Variants in POU6F2 observed in about 807,000 individuals in gnomAD.
POU6F2 encodes the protein POU domain, class 6, transcription factor 2.
Under a neutral mutation model 71.3 loss-of-function variants are expected in POU6F2, and 31 were observed. The ratio of observed to expected loss-of-function variants is 0.43; its 90% CI spans 0.33 to 0.59. The LOEUF is 0.59. Among genes scored for constraint, POU6F2 ranks in the 20% least tolerant of loss-of-function variants. The pLI is 0.04. For missense variants in POU6F2, 783 were observed against 856.8 expected (o/e 0.91, Z 1.07); for synonymous variants, 347 against 355.7 (o/e 0.98, Z 0.27).
chr7:39,018,392 C>T (rs566405871), intron 1 of POU6F2, among the ~76,000 whole-genome samples: 15 of 152,138 alleles, frequency 9.9e-5, no homozygotes, highest in Admixed American at 4.6e-4. Context: ...TTGGTTGTGC[C>T]GGAAGCCATG....
intron 2 of POU6F2, among the ~76,000 whole-genome samples, chr7:39,169,647 T>C (rs1793180668): frequency 6.6e-6 from 1 of 152,182 alleles, no homozygotes; most frequent in Non-Finnish European, 1.5e-5. Context: ...TGTCAGATTG[T>C]GATTAAATAC....
At chr7:38,978,537 A>G (rs1232731408) in intron 1 of POU6F2, among the ~76,000 whole-genome samples, 1 of 152,120 alleles carries the variant, frequency 6.6e-6, no homozygotes, top group African/African-American at 2.4e-5. Flanking sequence ...ATATAAATAC[A>G]TGTGCCTTGA....
At chr7:39,450,650 A>G (rs539079442) in intron 7 of POU6F2, among the ~76,000 whole-genome samples, 1 of 152,246 alleles carries the variant, frequency 6.6e-6, no homozygotes, top group South Asian at 2.1e-4. Flanking sequence ...AGCCTTCCTT[A>G]ACACACACAC....
chr7:39,015,787 T>G (rs1188195212), intron 1 of POU6F2, among the ~76,000 whole-genome samples: 2 of 95,722 alleles, frequency 2.1e-5, no homozygotes, highest in South Asian at 6.0e-4. Context: ...ATATATGGTA[T>G]ATTATATATA....
Position 39,118,983 on chromosome 7 carries a change from A to G in POU6F2, c.277+32952A>G, listed in dbSNP as rs367748460. Among the ~76,000 whole-genome samples, 221 of 152,362 alleles carry G rather than the reference A, an allele frequency of 1.5e-3. 1 individual carries two copies. Among genetic ancestry groups the G allele is most frequent in the African/African-American group, 4.9e-3 (202 of 41,584 alleles). ...CCAGCCAATCTATGCAGCAAGTCATAGTTTTCATTCACTCATGTTCAACTT... is the reference window on the plus strand; with the variant it reads ...CCAGCCAATCTATGCAGCAAGTCATGGTTTTCATTCACTCATGTTCAACTT... On this transcript the variant is annotated intron_variant, in intron 2 of 9. Transcript: ENST00000518318.
intron 3 of POU6F2, among the ~76,000 whole-genome samples, chr7:39,205,117 A>T (rs901946731): frequency 4.7e-5 from 7 of 149,940 alleles, no homozygotes; most frequent in Admixed American, 4.7e-4. Context: ...CGCCACCAAG[A>T]CTCCCTATGG....
At chr7:38,984,685 A>G (rs1788418075) in intron 1 of POU6F2, among the ~76,000 whole-genome samples, 1 of 152,204 alleles carries the variant, frequency 6.6e-6, no homozygotes, top group Non-Finnish European at 1.5e-5. Context: ...TAGAGTTTTT[A>G]CAAGAGGTTA....
chr7:39,158,471 A>T (rs992908432), intron 2 of POU6F2, among the ~76,000 whole-genome samples: 19 of 152,136 alleles, frequency 1.2e-4, no homozygotes, highest in African/African-American at 4.3e-4. Flanking sequence ...GGATCATATG[A>T]TTATGGAGGC....
At chr7:39,395,143 A>G (rs1214307520) in intron 5 of POU6F2, among the ~76,000 whole-genome samples, 4 of 152,152 alleles carry the variant, frequency 2.6e-5, no homozygotes, top group Non-Finnish European at 4.4e-5. Flanking sequence ...ACATCTGATC[A>G]TGTCCCTCCA....
chr7:39,238,267 A>G (rs1794710221), intron 4 of POU6F2, among the ~76,000 whole-genome samples: 1 of 152,124 alleles, frequency 6.6e-6, no homozygotes, highest in Non-Finnish European at 1.5e-5. Flanking sequence ...GATTAGAGAC[A>G]ATGAACATAT....
At chr7:39,059,395 T>A (rs1447142420) in intron 1 of POU6F2, among the ~76,000 whole-genome samples, 1 of 152,138 alleles carries the variant, frequency 6.6e-6, no homozygotes, top group South Asian at 2.1e-4. Flanking sequence ...GCATGTGATA[T>A]TTAAAGTGAG....
At chr7:39,273,859 A>G (rs1784384986) in intron 4 of POU6F2, among the ~76,000 whole-genome samples, 1 of 152,194 alleles carries the variant, frequency 6.6e-6, no homozygotes, top group African/African-American at 2.4e-5. Context: ...TTATAGTGAT[A>G]AAACCATGAA....
At chr7:39,349,709 T>C (rs1423096315) in intron 5 of POU6F2, among the ~76,000 whole-genome samples, 1 of 152,238 alleles carries the variant, frequency 6.6e-6, no homozygotes. Context: ...AAGGCTCCTA[T>C]CCTGCTCTTT....
intron 5 of POU6F2, among the ~76,000 whole-genome samples, chr7:39,347,761 G>C (rs142670924): frequency 0.024 from 2,709 of 110,626 alleles, 280 homozygotes; most frequent in African/African-American, 0.071. Context: ...CCTCCCGAGC[G>C]TCTGGGACTA....
intron 4 of POU6F2, among the ~76,000 whole-genome samples, chr7:39,256,789 C>A (rs1024586822): frequency 6.6e-6 from 1 of 152,078 alleles, no homozygotes; most frequent in Non-Finnish European, 1.5e-5. Context: ...GAATAGAGCC[C>A]CTTCCAAAGA....
At chr7:39,264,145 G>T (rs1413712750) in intron 4 of POU6F2, among the ~76,000 whole-genome samples, 1 of 152,206 alleles carries the variant, frequency 6.6e-6, no homozygotes, top group Non-Finnish European at 1.5e-5. Flanking sequence ...CAGCGTCTGA[G>T]CCCAGCTTCC....
rs540260245 is a variant in POU6F2 at position 39,364,383 on chromosome 7, C to T, written c.972+24368C>T. The stretch of plus-strand genomic sequence containing the variant: ...CCCATCACCTAAGCAGTATACACTG[C>T]ACCCAATTTGTGGTCTTTTATCCCT... On this transcript the variant is annotated intron_variant, in intron 5 of 9. Transcript: ENST00000518318. Among the ~76,000 whole-genome samples the T allele has an allele frequency of 5.9e-5, 9 of 152,012 alleles. No individual in the cohort carries two copies. The South Asian group carries it at 1.7e-3, about 28-fold the overall frequency.
intron 4 of POU6F2, among the ~76,000 whole-genome samples, chr7:39,319,673 G>A (rs1369608177): frequency 6.6e-6 from 1 of 152,150 alleles, no homozygotes; most frequent in Non-Finnish European, 1.5e-5. Flanking sequence ...CCCTGTTAGA[G>A]CAGCTAACCA....
chr7:39,285,003 C>T (rs1784627053), intron 4 of POU6F2, among the ~76,000 whole-genome samples: 1 of 152,152 alleles, frequency 6.6e-6, no homozygotes, highest in Non-Finnish European at 1.5e-5. Context: ...TGGGGATCTC[C>T]GTGAAGCTCT....
Sources: allele counts gnomAD v4.1 joint callset (sites outside exome capture counted in the v4.1 genomes callset), GRCh38; gene constraint gnomAD v4.1.1; transcripts MANE v1.5; gene names NCBI Gene and HGNC (gene_info 2026-07-23, HGNC 2026-07-21).